Variants in LRMDA observed in about 807,000 individuals in gnomAD.
LRMDA encodes leucine rich melanocyte differentiation associated.
In LRMDA, 18 loss-of-function variants were observed where a neutral mutation model predicts 29.8. The observed-to-expected ratio is 0.60, with a 90% CI of 0.42 to 0.90. The LOEUF is 0.90. Ranked by LOEUF, LRMDA falls within the 40% of genes least tolerant of loss-of-function variation. LRMDA has a pLI of 0.00. For synonymous variants in LRMDA, 125 were observed against 109.4 expected (o/e 1.14, Z -0.89); for missense variants, 273 against 273.9 (o/e 1.00, Z 0.02).
chr10:75,802,578 G>A (rs527307109), intron 2 of LRMDA, among the ~76,000 whole-genome samples: 13 of 151,878 alleles, frequency 8.6e-5, no homozygotes, highest in Admixed American at 4.6e-4. Flanking sequence ...AGTATCTTTG[G>A]TAGAGTTGCT....
At chr10:76,289,674 T>C (rs1840315286) in intron 5 of LRMDA, among the ~76,000 whole-genome samples, 2 of 152,218 alleles carry the variant, frequency 1.3e-5, no homozygotes, top group Admixed American at 6.5e-5. Context: ...CTTGGTGTCT[T>C]CCAATTCCAT....
chr10:76,414,377 G>A (rs193023925), intron 6 of LRMDA, among the ~76,000 whole-genome samples: 1 of 152,064 alleles, frequency 6.6e-6, no homozygotes, highest in African/African-American at 2.4e-5. Context: ...AAATTATGAA[G>A]TTATGGTGCT....
intron 2 of LRMDA, among the ~76,000 whole-genome samples, chr10:75,927,614 G>A (rs1232070383): frequency 6.6e-6 from 1 of 152,146 alleles, no homozygotes; most frequent in Non-Finnish European, 1.5e-5. Context: ...TTGAGGTAAG[G>A]GAATAAGACA....
intron 2 of LRMDA, among the ~76,000 whole-genome samples, chr10:75,796,864 C>T (rs1227519579): frequency 2.0e-5 from 3 of 152,190 alleles, no homozygotes; most frequent in Non-Finnish European, 4.4e-5. Context: ...TGTGCCCAGT[C>T]AATTTGATAA....
At chr10:76,285,536 C>T (rs1265406262) in intron 5 of LRMDA, among the ~76,000 whole-genome samples, 1 of 152,092 alleles carries the variant, frequency 6.6e-6, no homozygotes, top group East Asian at 1.9e-4. Context: ...TTTTCATGCC[C>T]GCATTGGCTT....
chr10:76,497,368 A>G (rs1842884639), intron 6 of LRMDA, among the ~76,000 whole-genome samples: 1 of 74,916 alleles, frequency 1.3e-5, no homozygotes, highest in Admixed American at 1.2e-4. Context: ...TGACATTCCA[A>G]AATTATGGAG....
At chr10:76,183,614 G>GA (rs1408934729) in intron 5 of LRMDA, among the ~76,000 whole-genome samples, 1 of 152,226 alleles carries the variant, frequency 6.6e-6, no homozygotes, top group Non-Finnish European at 1.5e-5. Context: ...AATACCCAAG[G>GA]AGGGAATAAG....
chr10:76,444,779 G>A (rs1159640357), intron 6 of LRMDA, among the ~76,000 whole-genome samples: 2 of 151,918 alleles, frequency 1.3e-5, no homozygotes, highest in African/African-American at 2.4e-5. Context: ...AAGGACAATG[G>A]GGAAAAAAAG....
At chr10:75,857,765 A>T (rs1844852553) in intron 2 of LRMDA, among the ~76,000 whole-genome samples, 1 of 152,218 alleles carries the variant, frequency 6.6e-6, no homozygotes, top group African/African-American at 2.4e-5. Flanking sequence ...TAAAGCACCA[A>T]ATGAGCTGAA....
At chr10:75,718,550 G>A (rs181985740) in intron 2 of LRMDA, among the ~76,000 whole-genome samples, 85 of 152,324 alleles carry the variant, frequency 5.6e-4, no homozygotes, top group African/African-American at 2.0e-3. Context: ...GGAGAGTGAA[G>A]AATTGAGAAG....
At chr10:75,541,402 CTTT>C (rs35660494) in intron 2 of LRMDA, among the ~76,000 whole-genome samples, 28 of 136,844 alleles carry the variant, frequency 2.0e-4, no homozygotes, top group Admixed American at 2.9e-4. Context: ...TCCCCACAAA[CTTT>C]TTTTTTTTTT....
At chr10:75,711,919 AACACAC>A (rs146819347) in intron 2 of LRMDA, among the ~76,000 whole-genome samples, 2 of 149,240 alleles carry the variant, frequency 1.3e-5, no homozygotes, top group South Asian at 2.1e-4. Context: ...TTGAAGGTAA[AACACAC>A]ACACACACAC....
chr10:76,019,626 T>C (rs534809190), intron 2 of LRMDA, among the ~76,000 whole-genome samples: 10 of 152,302 alleles, frequency 6.6e-5, no homozygotes, highest in South Asian at 4.1e-4. Context: ...GAAAAAGGAA[T>C]GTTCCTGAGG....
intron 2 of LRMDA, among the ~76,000 whole-genome samples, chr10:75,778,801 C>A (rs1843344482): frequency 6.6e-6 from 1 of 152,164 alleles, no homozygotes; most frequent in Non-Finnish European, 1.5e-5. Flanking sequence ...AGAGAAAAGG[C>A]AGAAGTGCTT....
At chr10:75,516,839 C>A (rs975506575) in intron 2 of LRMDA, among the ~76,000 whole-genome samples, 2 of 152,100 alleles carry the variant, frequency 1.3e-5, no homozygotes, top group Admixed American at 6.5e-5. Flanking sequence ...TTAGGTCTAA[C>A]ATTTAAGTCA....
intron 5 of LRMDA, among the ~76,000 whole-genome samples, chr10:76,145,227 C>A (rs1052907428): frequency 6.6e-6 from 1 of 152,170 alleles, no homozygotes; most frequent in Non-Finnish European, 1.5e-5. Flanking sequence ...GGAGGATTCC[C>A]TCTTTTTCTA....
chr10:76,422,597 A>C (rs995934119), intron 6 of LRMDA, among the ~76,000 whole-genome samples: 6 of 152,188 alleles, frequency 3.9e-5, no homozygotes, highest in Non-Finnish European at 5.9e-5. Flanking sequence ...TTCATGTCTC[A>C]TTCTAGGGTC....
intron 2 of LRMDA, among the ~76,000 whole-genome samples, chr10:75,972,466 A>G (rs1477438399): frequency 1.3e-5 from 2 of 152,174 alleles, no homozygotes; most frequent in Non-Finnish European, 2.9e-5. Flanking sequence ...TTAAAAATTC[A>G]TCTGAAGCGT....
At chr10:75,948,262 C>G (rs1160019951) in intron 2 of LRMDA, among the ~76,000 whole-genome samples, 1 of 152,162 alleles carries the variant, frequency 6.6e-6, no homozygotes, top group East Asian at 1.9e-4. Context: ...CATAGATTAT[C>G]AGAGAATCCC....
Sources: gnomAD v4.1 joint callset for allele counts (sites outside exome capture counted in the v4.1 genomes callset) on GRCh38, gnomAD v4.1.1 for gene constraint, MANE v1.5 for transcripts, NCBI Gene and HGNC (gene_info 2026-07-23, HGNC 2026-07-21) for gene names.